DCAF6: variants seen among roughly 807,000 people sequenced by gnomAD.
DCAF6 encodes DDB1- and CUL4-associated factor 6.
Under a neutral mutation model 125.1 loss-of-function variants are expected in DCAF6, and 54 were observed. The ratio of observed to expected loss-of-function variants is 0.43; its 90% CI spans 0.35 to 0.54. The LOEUF is 0.54. DCAF6 is among the 20% of genes least tolerant of loss of function. The pLI, the probability that DCAF6 is intolerant of heterozygous loss-of-function variation, is 0.01. For synonymous variants in DCAF6, 371 were observed against 390.4 expected (o/e 0.95, Z 0.58); for missense variants, 934 against 1,161.7 (o/e 0.80, Z 2.85).
chr1:168,075,196 A>G (rs1693665143), intron 21 of DCAF6, among the ~76,000 whole-genome samples, 175 bp from the exon 22 acceptor site: 1 of 152,236 alleles, frequency 6.6e-6, no homozygotes. Context: ...AATAACATGC[A>G]TAATCAAAGC....
chr1:167,953,385 T>A (rs1297302548), intron 2 of DCAF6, among the ~76,000 whole-genome samples: 5 of 152,218 alleles, frequency 3.3e-5, no homozygotes, highest in African/African-American at 4.8e-5. Context: ...TTATTATTAT[T>A]ATTGATAGTG....
At chr1:168,010,109 A>G (rs7538581) in intron 10 of DCAF6, among the ~76,000 whole-genome samples, 31,482 of 152,120 alleles carry the variant, frequency 0.21, 3,892 homozygotes, top group Admixed American at 0.36. Context: ...TAGAAGAGAG[A>G]TGCTGTGATT....
At position 167,942,336 on chromosome 1, in the gene DCAF6, T is replaced by C. The variant is rs1571575605; in HGVS notation, c.97+5328T>C. On this transcript the variant is annotated intron_variant, in intron 1 of 21. Coordinates refer to ENST00000367840, the MANE Select transcript of DCAF6 (RefSeq NM_001198956.2). ...GCTTCGGCCTCCCAAAGTGCTGGGA[T>C]TACAAGCATGAGCCGCTGCGCCTGG... Among the ~76,000 whole-genome samples the C allele has an allele frequency of 5.9e-5, 9 of 152,366 alleles. No homozygotes were observed. The South Asian group carries it at 1.9e-3, about 32-fold the overall frequency.
At chr1:167,910,789 A>G in the DCAF6 span, among the ~76,000 whole-genome samples, 1 of 152,186 alleles carries the variant, frequency 6.6e-6, no homozygotes, top group South Asian at 2.1e-4. Flanking sequence ...GCGTAGCTCT[A>G]TTCTTCCCTC....
intron 1 of DCAF6, among the ~76,000 whole-genome samples, chr1:167,951,366 G>A (rs1673912087): frequency 1.3e-5 from 2 of 152,158 alleles, no homozygotes; most frequent in Non-Finnish European, 2.9e-5. Flanking sequence ...GTTGAGGTGA[G>A]GAGTTTGAGA....
chr1:167,997,086 T>C (rs989669892), intron 7 of DCAF6, among the ~76,000 whole-genome samples: 1 of 152,204 alleles, frequency 6.6e-6, no homozygotes, highest in African/African-American at 2.4e-5. Flanking sequence ...ATACCTGTAA[T>C]AGTACCTGAC....
At position 167,987,571 on chromosome 1, in the gene DCAF6, G is replaced by A. The variant is rs555697780; in HGVS notation, c.515G>A (p.Arg172His). ...GGAACTGTTAGGTGGTTTGATACACGCATCAAAACTAGCTGCACAAAAGAA... is the reference window on the plus strand; with the variant it reads ...GGAACTGTTAGGTGGTTTGATACACACATCAAAACTAGCTGCACAAAAGAA... The part of the protein sequence containing the change: ...EDGTVRWFDT[R>H]IKTSCTKEDC... The change falls in exon 5 of 22, where the codon CGC becomes CAC. Residue 172 changes from arginine (R) to histidine (H), a missense_variant. By Grantham distance (29) the Arg-to-His change is conservative. Around this residue, in one of 5 missense-constraint regions of DCAF6, gnomAD observed 309 missense variants for 381.2 expected, o/e 0.81. Transcript: ENST00000367840. 17 of 1,603,368 alleles carry A rather than the reference G, an allele frequency of 1.1e-5. No homozygotes were observed. The highest frequency in any genetic ancestry group is 5.5e-5 in the South Asian group (5 of 90,528).
chr1:168,069,944 A>C (rs942681467), intron 21 of DCAF6, among the ~76,000 whole-genome samples: 2 of 152,194 alleles, frequency 1.3e-5, no homozygotes, highest in African/African-American at 4.8e-5. Context: ...TTTTAAAACA[A>C]GAAAAACGTT....
At chr1:167,895,211 A>G in the DCAF6 span, among the ~76,000 whole-genome samples, 1 of 151,572 alleles carries the variant, frequency 6.6e-6, no homozygotes, top group Non-Finnish European at 1.5e-5. Flanking sequence ...ATTGCATTGC[A>G]GTATTATGGT....
At chr1:168,056,867 CCTG>C (rs1690930898) in intron 17 of DCAF6, among the ~76,000 whole-genome samples, 1 of 152,178 alleles carries the variant, frequency 6.6e-6, no homozygotes, top group Admixed American at 6.5e-5. Context: ...TCCTTAGAAA[CCTG>C]GACTAGGAGA....
chr1:168,013,035 G>A lies in DCAF6; in HGVS notation c.1379-2746G>A, dbSNP rs141636255. On this transcript the variant is annotated intron_variant, in intron 10 of 21. Coordinates refer to ENST00000367840, the MANE Select transcript of DCAF6 (RefSeq NM_001198956.2). ...TTTTTTAGCAAAATTTGACATATAT[G>A]GCCTCTCTCATAGATTTCTTTTGAA... is the stretch of plus-strand genomic sequence containing the variant. Among the ~76,000 whole-genome samples the A allele has an allele frequency of 2.1e-3, 318 of 152,094 alleles. 2 individuals are homozygous for A. Among genetic ancestry groups the A allele is most frequent in the African/African-American group, 7.2e-3 (297 of 41,468 alleles).
chr1:167,895,860 A>G, the DCAF6 span, among the ~76,000 whole-genome samples: 1 of 152,366 alleles, frequency 6.6e-6, no homozygotes, highest in South Asian at 2.1e-4. Context: ...TAGAAGGTCA[A>G]AGACAGATAC....
chr1:168,049,110 T>C (rs1219360337), intron 16 of DCAF6, among the ~76,000 whole-genome samples: 2 of 152,192 alleles, frequency 1.3e-5, no homozygotes, highest in East Asian at 3.8e-4. Flanking sequence ...AAATGTTTGT[T>C]CTCTAATCAT....
At chr1:167,918,189 T>C in the DCAF6 span, 28 of 621,042 alleles carry the variant, frequency 4.5e-5, no homozygotes, top group South Asian at 3.5e-4. Flanking sequence ...ATTTTTCTAT[T>C]GAATCAAGAA....
chr1:167,873,025 G>A, the DCAF6 span, among the ~76,000 whole-genome samples: 24 of 151,886 alleles, frequency 1.6e-4, no homozygotes, highest in Middle Eastern at 6.8e-3. Flanking sequence ...AGCTGAGATC[G>A]CGCCACTGCA....
In DCAF6 at chr1:167,937,000, G is replaced by A. The variant is rs1462888925; in HGVS notation, c.89G>A (p.Arg30His). The A allele has an allele frequency of 1.2e-6, 2 of 1,609,124 alleles. No individual in the cohort carries two copies. Among genetic ancestry groups the A allele is most frequent in the South Asian group, 1.1e-5 (1 of 89,996 alleles). ...GLEDPSRLRSRYLGRREFIQR... is the reference protein window; with the variant it reads ...GLEDPSRLRSHYLGRREFIQR... ...GAGGACCCGTCCCGGCTGCGGAGTC[G>A]CTACCTGGGTGAGCGGGGGCCCCGG... Residue 30 changes from arginine (R) to histidine (H), a missense_variant, in exon 1 of 22, where the codon CGC (arginine) becomes CAC (histidine). This residue lies in a region of DCAF6 where 309 missense variants were observed against 381.2 expected (regional missense o/e 0.81). Coordinates refer to ENST00000367840, the MANE Select transcript of DCAF6 (RefSeq NM_001198956.2).
chr1:168,073,292 A>G (rs146761071), intron 21 of DCAF6, among the ~76,000 whole-genome samples: 2,138 of 152,332 alleles, frequency 0.014, 21 homozygotes, highest in Middle Eastern at 0.031. Flanking sequence ...CCAACCAGAG[A>G]TTTGTATAAG....
rs114583974 is a variant in DCAF6, at chr1:168,019,715, A to C, written c.1550-3273A>C. On this transcript the variant is annotated intron_variant, in intron 11 of 21. Transcript: ENST00000367840. ...ATGGCACGGTTTTACCAATTGGAAA[A>C]AAGTAATTTTTATACCCCAAAAGGG... 332 of 196,438 alleles carry C rather than the reference A, an allele frequency of 1.7e-3. 1 individual carries two copies. The highest frequency in any genetic ancestry group is 7.4e-3 in the African/African-American group (318 of 43,146). The allele number at this position is 196,438 out of a possible 1,614,324, so 12.2% of individuals were successfully genotyped here.
the DCAF6 span, chr1:167,880,465 TG>T: frequency 6.5e-7 from 1 of 1,542,696 alleles, no homozygotes; most frequent in South Asian, 1.1e-5. Context: ...CAGGGACCGC[TG>T]GGTGGGACCA....
Sources: allele counts gnomAD v4.1 joint callset (sites outside exome capture counted in the v4.1 genomes callset), GRCh38; gene constraint gnomAD v4.1.1; regional missense constraint gnomAD v4.1.1; transcripts MANE v1.5; gene names NCBI Gene and HGNC (gene_info 2026-07-23, HGNC 2026-07-21).